LMX1A: variants seen among roughly 807,000 people sequenced by gnomAD.
LMX1A encodes LIM homeobox transcription factor 1 alpha.
A neutral mutation model predicts 49.1 loss-of-function variants in LMX1A; 15 were observed. The observed-to-expected ratio is 0.31, with a 90% CI of 0.20 to 0.47. The LOEUF (loss-of-function observed/expected upper bound fraction) is 0.47, where lower values mean the gene tolerates loss of function less well. Ranked by LOEUF, LMX1A falls within the 20% of genes least tolerant of loss-of-function variation. The probability of loss-of-function intolerance (pLI) is 1.00; values close to 1 mark genes in which losing one functional copy is unlikely to be tolerated. For missense variants in LMX1A, 372 were observed against 475.8 expected (o/e 0.78, Z 2.03); for synonymous variants, 167 against 185.7 (o/e 0.90, Z 0.82).
At position 165,355,469 on chromosome 1, in the gene LMX1A, G is replaced by C. The variant is rs1276756305; in HGVS notation, c.76+15C>G. 1 of 1,612,604 alleles carries C rather than the reference G, an allele frequency of 6.2e-7. No individual in the cohort carries two copies. Among genetic ancestry groups the C allele is most frequent in the Non-Finnish European group, 8.5e-7 (1 of 1,179,128 alleles). On this transcript the variant is annotated intron_variant, in intron 2 of 8. Coordinates refer to ENST00000342310, the MANE Select transcript of LMX1A (RefSeq NM_177398.4). This position sits in a 1 kb window ranked among gnomAD's most constrained non-coding sequence, Gnocchi z 4.7. ...GAAAGAGAGTGCGCCCAGGACGCAC[G>C]GCCTGAACACTCACCCAGCAGCGAG...
intron 3 of LMX1A, among the ~76,000 whole-genome samples, chr1:165,340,606 C>G (rs1412272415): frequency 1.3e-5 from 2 of 152,276 alleles, no homozygotes; most frequent in South Asian, 4.1e-4. Context: ...TGGGCATTCC[C>G]CTCTTCTGAT....
chr1:165,231,404 A>C (rs1006584119), intron 4 of LMX1A, among the ~76,000 whole-genome samples: 1 of 151,972 alleles, frequency 6.6e-6, no homozygotes, highest in Non-Finnish European at 1.5e-5. Context: ...CCTAGGCTCA[A>C]CCATCCTACA....
rs563072421 is a variant in LMX1A at position 165,296,990 on chromosome 1, A to T, written c.264-47350T>A. Among the ~76,000 whole-genome samples the T allele has an allele frequency of 4.6e-5, 7 of 152,318 alleles. No homozygotes were observed. The South Asian group carries it at 1.5e-3, about 32-fold the overall frequency. On this transcript the variant is annotated intron_variant, in intron 3 of 8. Coordinates refer to ENST00000342310, the MANE Select transcript of LMX1A (RefSeq NM_177398.4). ...GTACAGGAAGGTCCGCAAACTCCTA[A>T]CAGGTGTCCTGGTCTGAGTGCAATC...
chr1:165,251,345 A>C (rs556668339), intron 3 of LMX1A, among the ~76,000 whole-genome samples: 1 of 152,270 alleles, frequency 6.6e-6, no homozygotes, highest in East Asian at 1.9e-4. Context: ...GGCCTCCCAA[A>C]GTGCTAGGAT....
intron 4 of LMX1A, among the ~76,000 whole-genome samples, chr1:165,228,756 T>C (rs925382083): frequency 5.9e-5 from 9 of 152,262 alleles, no homozygotes; most frequent in Non-Finnish European, 7.4e-5. Context: ...CTAGAATTCA[T>C]TGGAAATTAG....
chr1:165,292,514 C>T (rs1381779677), intron 3 of LMX1A, among the ~76,000 whole-genome samples: 2 of 152,176 alleles, frequency 1.3e-5, no homozygotes, highest in Non-Finnish European at 1.5e-5. Context: ...TGGCTTCCAA[C>T]CGGGAGGGTC....
rs1051879853 is a variant in LMX1A, at chr1:165,240,004, T to C, written c.496+9404A>G. 5.1e-4 allele frequency among the ~76,000 whole-genome samples: 77 copies of C among 152,332 alleles called. 1 individual carries two copies. Among genetic ancestry groups the C allele is most frequent in the African/African-American group, 1.6e-3 (66 of 41,568 alleles). On this transcript the variant is annotated intron_variant, in intron 4 of 8. Transcript: ENST00000342310. ...AGTAATTGTGCTTTGAAGCAGTGTT[T>C]TTCAAACTTCTGTTATGACCCATGA...
chr1:165,217,273 G>A (rs184635351), intron 4 of LMX1A, among the ~76,000 whole-genome samples: 251 of 152,284 alleles, frequency 1.6e-3, no homozygotes, highest in Non-Finnish European at 2.3e-3. Context: ...GAGCCCCAGA[G>A]GCAGGATGGC....
chr1:165,241,182 C>A (rs1397825035), intron 4 of LMX1A, among the ~76,000 whole-genome samples: 1 of 152,160 alleles, frequency 6.6e-6, no homozygotes, highest in Non-Finnish European at 1.5e-5. Flanking sequence ...ACTTTATGCA[C>A]CCTAGCCACC....
At chr1:165,337,953 G>C (rs895842903) in intron 3 of LMX1A, among the ~76,000 whole-genome samples, 1 of 146,910 alleles carries the variant, frequency 6.8e-6, no homozygotes, top group Admixed American at 6.8e-5. Context: ...CCATGTTTAA[G>C]AAGGTTGCCA....
At chr1:165,321,820 A>C (rs1299416763) in intron 3 of LMX1A, among the ~76,000 whole-genome samples, 2 of 152,256 alleles carry the variant, frequency 1.3e-5, no homozygotes, top group African/African-American at 4.8e-5. Flanking sequence ...ATGAAAAGAC[A>C]ACCCACAGAA....
At chr1:165,229,453 C>T (rs1211789059) in intron 4 of LMX1A, among the ~76,000 whole-genome samples, 1 of 152,164 alleles carries the variant, frequency 6.6e-6, no homozygotes, top group Non-Finnish European at 1.5e-5. Context: ...GTTTATGACA[C>T]CAAATGAGGC....
intron 3 of LMX1A, among the ~76,000 whole-genome samples, chr1:165,317,377 T>C (rs1655258348): frequency 6.6e-6 from 1 of 152,246 alleles, no homozygotes; most frequent in African/African-American, 2.4e-5. Flanking sequence ...AATTGCATTC[T>C]AGATTTACCC....
chr1:165,276,899 C>A (rs1295356831), intron 3 of LMX1A, among the ~76,000 whole-genome samples: 1 of 152,160 alleles, frequency 6.6e-6, no homozygotes, highest in Non-Finnish European at 1.5e-5. Flanking sequence ...GGAAACAGGG[C>A]TTTGAACAGT....
intron 3 of LMX1A, among the ~76,000 whole-genome samples, chr1:165,309,926 A>T (rs1211212014): frequency 6.6e-5 from 10 of 152,224 alleles, no homozygotes; most frequent in Non-Finnish European, 1.2e-4. Flanking sequence ...TTCCTCAAAG[A>T]TGTCTCATTA....
chr1:165,350,083 A>C (rs1453749899), intron 3 of LMX1A, among the ~76,000 whole-genome samples: 11 of 148,926 alleles, frequency 7.4e-5, no homozygotes. Flanking sequence ...GTGCTCCCTA[A>C]TTTACCATCA....
intron 4 of LMX1A, among the ~76,000 whole-genome samples, chr1:165,216,785 G>A (rs191693442): frequency 5.3e-5 from 8 of 152,174 alleles, no homozygotes; most frequent in Admixed American, 5.2e-4. Flanking sequence ...ATCCAGGAAA[G>A]CAATGTGACA....
intron 4 of LMX1A, among the ~76,000 whole-genome samples, chr1:165,230,020 C>T (rs1191289516): frequency 6.6e-6 from 1 of 152,270 alleles, no homozygotes; most frequent in East Asian, 1.9e-4. Flanking sequence ...CTCGTGAATG[C>T]TTTTAGTGGC....
chr1:165,266,055 G>A (rs940555961), intron 3 of LMX1A, among the ~76,000 whole-genome samples: 1 of 152,174 alleles, frequency 6.6e-6, no homozygotes. Flanking sequence ...TGCTAATATT[G>A]AGGTACTACT....
Sources: gnomAD v4.1 joint callset for allele counts (sites outside exome capture counted in the v4.1 genomes callset) on GRCh38, gnomAD v4.1.1 for gene constraint, Gnocchi (gnomAD v3.1) non-coding constraint, MANE v1.5 for transcripts, NCBI Gene and HGNC (gene_info 2026-07-23, HGNC 2026-07-21) for gene names.